PPP2R2B: variants seen among roughly 807,000 people sequenced by gnomAD.
The protein encoded by PPP2R2B is protein phosphatase 2 regulatory subunit Bbeta, also known as serine/threonine-protein phosphatase 2A 55 kDa regulatory subunit B beta isoform.
A neutral mutation model predicts 46.0 loss-of-function variants in PPP2R2B; 5 were observed. That is an observed-to-expected ratio of 0.11 (90% CI 0.06 to 0.23). PPP2R2B has a LOEUF of 0.23. Ranked by LOEUF, PPP2R2B falls within the 10% of genes least tolerant of loss-of-function variation. The pLI, the probability that PPP2R2B is intolerant of heterozygous loss-of-function variation, is 1.00. For synonymous variants in PPP2R2B, 215 were observed against 206.7 expected (o/e 1.04, Z -0.34); for missense variants, 367 against 575.0 (o/e 0.64, Z 3.70).
intron 7 of PPP2R2B, among the ~76,000 whole-genome samples, chr5:146,617,288 TA>T (rs1228495778): frequency 6.6e-6 from 1 of 152,116 alleles, no homozygotes; most frequent in Non-Finnish European, 1.5e-5. Flanking sequence ...GAATAAGAAC[TA>T]GTATGTGATA....
intron 1 of PPP2R2B, chr5:147,040,790 A>G: frequency 2.2e-6 from 1 of 447,656 alleles, no homozygotes; most frequent in South Asian, 1.6e-5. Context: ...GCCAATTTCA[A>G]GAAAAGATGA....
intron 2 of PPP2R2B, among the ~76,000 whole-genome samples, chr5:146,804,755 A>G (rs1757073559): frequency 6.6e-6 from 1 of 152,138 alleles, no homozygotes; most frequent in South Asian, 2.1e-4. Flanking sequence ...AAACAGAATA[A>G]TTGCAAAATA....
intron 1 of PPP2R2B, among the ~76,000 whole-genome samples, chr5:147,045,378 A>G (rs1319222439): frequency 6.6e-6 from 1 of 152,150 alleles, no homozygotes; most frequent in Non-Finnish European, 1.5e-5. Flanking sequence ...AATTGCCCAC[A>G]GAATTCAGGA....
chr5:146,670,130 A>G (rs1471649284), intron 5 of PPP2R2B, among the ~76,000 whole-genome samples: 1 of 152,204 alleles, frequency 6.6e-6, no homozygotes, highest in Non-Finnish European at 1.5e-5. Flanking sequence ...TATCTGTATT[A>G]TTTTCCATCA....
chr5:146,791,103 C>A (rs1756171303), intron 2 of PPP2R2B, among the ~76,000 whole-genome samples: 1 of 152,112 alleles, frequency 6.6e-6, no homozygotes, highest in South Asian at 2.1e-4. Flanking sequence ...TCTTTTAGGA[C>A]CTGTTTCTCT....
chr5:146,770,945 T>C (rs1754815718), intron 2 of PPP2R2B, among the ~76,000 whole-genome samples: 1 of 152,214 alleles, frequency 6.6e-6, no homozygotes, highest in Admixed American at 6.5e-5. Context: ...GACAGTGACA[T>C]TCTTTTTTAA....
chr5:146,700,013 A>G (rs988663136), intron 3 of PPP2R2B, among the ~76,000 whole-genome samples: 2 of 152,172 alleles, frequency 1.3e-5, no homozygotes, highest in African/African-American at 4.8e-5. Flanking sequence ...TTGAATTTAT[A>G]TGGAACCCCG....
intron 1 of PPP2R2B, among the ~76,000 whole-genome samples, chr5:147,016,817 G>A (rs1017748495): frequency 6.6e-6 from 1 of 151,616 alleles, no homozygotes; most frequent in Non-Finnish European, 1.5e-5. Flanking sequence ...ATCCAAAATA[G>A]CATGATATAT....
rs1300767577 is a variant in PPP2R2B, at chr5:146,654,000, A to ATTGCGACTGTG, written c.448-3287_448-3277dup. The stretch of plus-strand genomic sequence containing the variant: ...CACGATGGACCGATTAGGAAACCAC[A>ATTGCGACTGTG]TTGCGACTGTGTTTTTCATCTGCTC... On this transcript the variant is annotated intron_variant, in intron 5 of 9. Transcript: ENST00000394411. Among the ~76,000 whole-genome samples, 3 of 152,188 alleles carry ATTGCGACTGTG rather than the reference A, an allele frequency of 2.0e-5. No individual in the cohort carries two copies. The East Asian group carries it at 5.8e-4, about 29-fold the overall frequency.
In PPP2R2B at chr5:146,720,117, T is replaced by C. The variant is rs188963923; in HGVS notation, c.71-18975A>G. Among the ~76,000 whole-genome samples the C allele has an allele frequency of 2.6e-4, 39 of 152,330 alleles. No homozygotes were observed. In the East Asian group the frequency reaches 7.0e-3, roughly 27 times the overall value. On this transcript the variant is annotated intron_variant, in intron 2 of 9. Coordinates refer to ENST00000394411, the MANE Select transcript of PPP2R2B (RefSeq NM_181675.4). ...ATCTGAGTTAGCAGCTGCTGGTCTT[T>C]ACTGTTGAGTGGTATCCTCTGCAAA...
chr5:146,601,967 C>T (rs971352267), intron 7 of PPP2R2B, among the ~76,000 whole-genome samples: 1 of 152,322 alleles, frequency 6.6e-6, no homozygotes, highest in African/African-American at 2.4e-5. Flanking sequence ...CAAACTGCCT[C>T]TAATTCTTTC....
At chr5:146,878,904 TCGGCAC>T (rs1762067991), upstream of PPP2R2B, 1 of 1,151,314 alleles carries the variant, frequency 8.7e-7, no homozygotes, top group Non-Finnish European at 1.1e-6. The surrounding 1 kb of genome is among the most constrained non-coding windows in gnomAD (Gnocchi z 4.5). Context: ...CAGCCGCGAA[TCGGCAC>T]CTGGGCAGCA....
intron 2 of PPP2R2B, among the ~76,000 whole-genome samples, chr5:146,718,667 G>C (rs1260735851): frequency 3.3e-5 from 5 of 152,168 alleles, no homozygotes; most frequent in African/African-American, 9.7e-5. Context: ...TCCAGCCCTT[G>C]TCTAAACCAG....
In PPP2R2B at chr5:146,884,325, G is replaced by C. The variant is rs560343297; in HGVS notation, c.79+171340C>G. On this transcript the variant is annotated intron_variant, in intron 1 of 8. Transcript: ENST00000336640. ...CTTAAAATCCTACCTTTCCCTGAGG[G>C]TTTCCCATATCCATCAGAGGAAAAT... Among the ~76,000 whole-genome samples, 3 of 152,062 alleles carry C rather than the reference G, an allele frequency of 2.0e-5. No individual in the cohort carries two copies. The East Asian group carries it at 5.8e-4, about 29-fold the overall frequency.
At chr5:147,055,575 A>C in intron 1 of PPP2R2B, 1 of 1,147,010 alleles carries the variant, frequency 8.7e-7, no homozygotes, top group South Asian at 1.3e-5. Context: ...CCTAGTAGCT[A>C]CAGAAAGCAG....
chr5:146,594,430 G>C (rs921760786), intron 8 of PPP2R2B, among the ~76,000 whole-genome samples: 1 of 152,224 alleles, frequency 6.6e-6, no homozygotes, highest in South Asian at 2.1e-4. Context: ...AAGGTTCAGA[G>C]AGTAGTAGCC....
chr5:146,919,518 GA>G (rs1375798301), intron 1 of PPP2R2B: 2 of 152,204 alleles, frequency 1.3e-5, no homozygotes, highest in South Asian at 4.1e-4. Flanking sequence ...CTCACATTCT[GA>G]GAGAGATGTT....
chr5:147,049,521 T>C (rs915821505), intron 1 of PPP2R2B, among the ~76,000 whole-genome samples: 11 of 152,158 alleles, frequency 7.2e-5, no homozygotes, highest in Admixed American at 2.0e-4. Context: ...ATCAATGATA[T>C]ATAAGCCCAT....
chr5:146,694,075 C>A (rs894535976), intron 4 of PPP2R2B, among the ~76,000 whole-genome samples: 2 of 152,172 alleles, frequency 1.3e-5, no homozygotes, highest in African/African-American at 4.8e-5. Context: ...CAGTACCATT[C>A]GCCTTGAAGC....
Sources: gnomAD v4.1 joint callset for allele counts (sites outside exome capture counted in the v4.1 genomes callset) on GRCh38, gnomAD v4.1.1 for gene constraint, Gnocchi (gnomAD v3.1) non-coding constraint, MANE v1.5 for transcripts, NCBI Gene and HGNC (gene_info 2026-07-23, HGNC 2026-07-21) for gene names.